The following PPIL6 variants were observed in gnomAD, a reference collection of about 807,000 sequenced individuals.
PPIL6 encodes the protein peptidylprolyl isomerase like 6.
Under a neutral mutation model 36.8 loss-of-function variants are expected in PPIL6, and 39 were observed. That is an observed-to-expected ratio of 1.06 (90% CI 0.82 to 1.38). The LOEUF is 1.38. Among genes scored for constraint, PPIL6 ranks in the 40% most tolerant of loss-of-function variants. The pLI, the probability that PPIL6 is intolerant of heterozygous loss-of-function variation, is 0.00. For missense variants in PPIL6, 368 were observed against 379.1 expected (o/e 0.97, Z 0.24); for synonymous variants, 123 against 134.1 (o/e 0.92, Z 0.57).
chr6:109,439,862 C>G (rs1273004174), intron 1 of PPIL6, among the ~76,000 whole-genome samples: 1 of 152,172 alleles, frequency 6.6e-6, no homozygotes, highest in African/African-American at 2.4e-5. Flanking sequence ...CATGACTGAT[C>G]TGGCCAAATT....
rs1055756130 is a variant in PPIL6 at position 109,390,299 on chromosome 6, T to G, written c.*2527A>C. On this transcript the variant is annotated 3_prime_UTR_variant, in exon 8 of 8. Coordinates refer to ENST00000521072, the MANE Select transcript of PPIL6 (RefSeq NM_173672.5). ...TCTCTTATAGGTTCTTTATAGAAATTATTGATTCATGGAACCCTCACAGCA... is the reference window on the plus strand; with the variant it reads ...TCTCTTATAGGTTCTTTATAGAAATGATTGATTCATGGAACCCTCACAGCA... 3 of 152,212 alleles carry G rather than the reference T, an allele frequency of 2.0e-5. No individual in the cohort carries two copies. The highest frequency in any genetic ancestry group is 4.4e-5 in the Non-Finnish European group (3 of 68,036). 9.4% of individuals were successfully genotyped at this position (152,212 alleles called of 1,614,324 possible). A position where few individuals can be genotyped will look rare whatever the true frequency, so the allele number is the denominator to read the frequency against.
Position 109,436,296 on chromosome 6 carries a change from C to A in PPIL6, c.136-97G>T, listed in dbSNP as rs9487108. The A allele has an allele frequency of 4.0e-3, 2,844 of 714,200 alleles. 76 individuals carry two copies. In the African/African-American group the frequency reaches 0.045, roughly 11 times the overall value. 44.2% of individuals were successfully genotyped at this position (714,200 alleles called of 1,614,324 possible). On this transcript the variant is annotated intron_variant, in intron 1 of 7. Transcript: ENST00000521072. Reference sequence around the variant, plus strand: ...TTACGGGGTTTCCAGAAGTTTTATACAACACAAGCCCAGGCCATGCAGTCC... The same window carrying A: ...TTACGGGGTTTCCAGAAGTTTTATAAAACACAAGCCCAGGCCATGCAGTCC...
chr6:109,428,481 A>T (rs1773942201), intron 3 of PPIL6, among the ~76,000 whole-genome samples: 1 of 143,774 alleles, frequency 7.0e-6, no homozygotes, highest in South Asian at 2.5e-4. Flanking sequence ...GAGCCCAGGG[A>T]GGTTGAGGCT....
intron 5 of PPIL6, among the ~76,000 whole-genome samples, chr6:109,424,359 GTGTAAGAGGTCAGAAGATAAGA>G (rs1161349212): frequency 6.6e-6 from 1 of 152,168 alleles, no homozygotes; most frequent in East Asian, 1.9e-4. Context: ...GCAACCGAGT[GTGTAAGAGGTCAGAAGATAAGA>G]TGTGAGGAGG....
intron 6 of PPIL6, among the ~76,000 whole-genome samples, chr6:109,403,495 T>G (rs558754238): frequency 4.7e-4 from 72 of 152,200 alleles, no homozygotes; most frequent in Non-Finnish European, 7.6e-4. Context: ...ATTTCTGTCC[T>G]CTTTGTTTGG....
intron 2 of PPIL6, among the ~76,000 whole-genome samples, chr6:109,433,304 G>A (rs1194642040): frequency 3.3e-5 from 5 of 151,962 alleles, no homozygotes; most frequent in East Asian, 1.9e-4. Flanking sequence ...TGATCTGCCC[G>A]CCTCGGCCTC....
chr6:109,440,686 G>C, upstream of PPIL6: 1 of 1,003,382 alleles, frequency 1.0e-6, no homozygotes, highest in African/African-American at 1.7e-5. Context: ...GCGGGGCCCA[G>C]GGGCGGGTCG....
chr6:109,400,281 A>C, intron 6 of PPIL6, 111 bp from the exon 7 acceptor site: 1 of 800,126 alleles, frequency 1.2e-6, no homozygotes, highest in Non-Finnish European at 1.9e-6. Flanking sequence ...CATATTTATC[A>C]ATGGATTCCA....
chr6:109,395,596 G>A (rs574618054), intron 7 of PPIL6, among the ~76,000 whole-genome samples: 2 of 144,210 alleles, frequency 1.4e-5, no homozygotes, highest in Admixed American at 7.2e-5. Flanking sequence ...CCTCACCCCC[G>A]ACTCTAACTT....
At chr6:109,437,704 G>T (rs1446386328) in intron 1 of PPIL6, among the ~76,000 whole-genome samples, 1 of 151,856 alleles carries the variant, frequency 6.6e-6, no homozygotes. Flanking sequence ...ACAGGCACCC[G>T]CCACCACGCC....
chr6:109,426,842 C>T lies in PPIL6; in HGVS notation c.631+5G>A. Reference sequence around the variant, plus strand: ...ATTAACTCGTATTTAAGATTTTAAACTTACCCCCTCCTTGTATCCAGCCAT... The same window carrying T: ...ATTAACTCGTATTTAAGATTTTAAATTTACCCCCTCCTTGTATCCAGCCAT... On this transcript the variant is annotated splice_donor_5th_base_variant and intron_variant, in intron 5 of 7. Transcript: ENST00000521072. 1.3e-6 allele frequency: 2 copies of T among 1,502,466 alleles called. No homozygotes were observed. The highest frequency in any genetic ancestry group is 1.8e-6 in the Non-Finnish European group (2 of 1,112,230). 93.1% of individuals were successfully genotyped at this position (1,502,466 alleles called of 1,614,324 possible). A position where few individuals can be genotyped will look rare whatever the true frequency, so the allele number is the denominator to read the frequency against.
intron 1 of PPIL6, 110 bp downstream of exon 1, chr6:109,440,346 G>C: frequency 7.5e-7 from 1 of 1,333,816 alleles, no homozygotes; most frequent in South Asian, 1.3e-5. Flanking sequence ...TTCCTCGGCC[G>C]GTGGGGCCTC....
intron 5 of PPIL6, among the ~76,000 whole-genome samples, chr6:109,426,401 C>T (rs1773816889): frequency 6.6e-6 from 1 of 152,098 alleles, no homozygotes; most frequent in African/African-American, 2.4e-5. Context: ...ACATAGAAAC[C>T]AAAATCCTTT....
In PPIL6 at chr6:109,439,591, C is replaced by T. The variant is rs775508902; in HGVS notation, c.135+865G>A. On this transcript the variant is annotated intron_variant, in intron 1 of 7. Coordinates refer to ENST00000521072, the MANE Select transcript of PPIL6 (RefSeq NM_173672.5). The stretch of plus-strand genomic sequence containing the variant: ...AGGCTGGTCTAGAACTCCGCCTCTG[C>T]CTCCCAAAGTGCTGAGATTATAGGC... 2.0e-5 allele frequency among the ~76,000 whole-genome samples: 3 copies of T among 152,134 alleles called. No homozygotes were observed. In the South Asian group the frequency reaches 6.2e-4, roughly 32 times the overall value.
At position 109,436,871 on chromosome 6, in the gene PPIL6, A is replaced by T. The variant is rs542435240; in HGVS notation, c.136-672T>A. On this transcript the variant is annotated intron_variant, in intron 1 of 7. Transcript: ENST00000521072. ...AACGCCAATAGCTTTGTGATATGCTATGTTCTTTAAGACTAGTTTTTCCCT... is the reference window on the plus strand; with the variant it reads ...AACGCCAATAGCTTTGTGATATGCTTTGTTCTTTAAGACTAGTTTTTCCCT... 5.9e-5 allele frequency among the ~76,000 whole-genome samples: 9 copies of T among 152,310 alleles called. No individual in the cohort carries two copies. In the East Asian group the frequency reaches 1.2e-3, roughly 20 times the overall value.
intron 2 of PPIL6, among the ~76,000 whole-genome samples, chr6:109,433,202 G>T (rs1295157351): frequency 6.6e-6 from 1 of 151,894 alleles, no homozygotes; most frequent in African/African-American, 2.4e-5. Context: ...GATTATAGGC[G>T]CCCACCACCA....
In PPIL6 at chr6:109,400,031, A is replaced by G. The variant is rs1332128833; in HGVS notation, c.824+4T>C. 6.2e-7 allele frequency: 1 copy of G among 1,607,260 alleles called. No individual in the cohort carries two copies. The highest frequency in any genetic ancestry group is 1.1e-5 in the South Asian group (1 of 90,596). On this transcript the variant is annotated splice_donor_region_variant and intron_variant, in intron 7 of 7. Transcript: ENST00000521072. ...TTATATAAATAGATCTACAATATACATACCCAAAAGCCACAAATTTTCTAT... is the reference window on the plus strand; with the variant it reads ...TTATATAAATAGATCTACAATATACGTACCCAAAAGCCACAAATTTTCTAT...
At chr6:109,400,920 T>C (rs1020632930) in intron 6 of PPIL6, among the ~76,000 whole-genome samples, 2 of 151,854 alleles carry the variant, frequency 1.3e-5, no homozygotes, top group African/African-American at 4.8e-5. Context: ...AGTGCAGTGG[T>C]GCGATCTCAG....
chr6:109,414,977 TAAGG>T (rs912099094), intron 6 of PPIL6, among the ~76,000 whole-genome samples: 12 of 152,190 alleles, frequency 7.9e-5, no homozygotes, highest in African/African-American at 2.9e-4. Context: ...AAGAAAATCA[TAAGG>T]AAGAGAAAAT....
Sources: allele counts gnomAD v4.1 joint callset (sites outside exome capture counted in the v4.1 genomes callset), GRCh38; gene constraint gnomAD v4.1.1; transcripts MANE v1.5; gene names NCBI Gene and HGNC (gene_info 2026-07-23, HGNC 2026-07-21).